The following ZNF37A variants were observed in gnomAD, a reference collection of about 807,000 sequenced individuals.
The protein encoded by ZNF37A is zinc finger protein 37A.
ZNF37A carries 10 observed loss-of-function variants against 12.3 expected under a neutral mutation model. The ratio of observed to expected loss-of-function variants is 0.82; its 90% CI spans 0.50 to 1.38. The LOEUF (loss-of-function observed/expected upper bound fraction) is 1.38. Among genes scored for constraint, ZNF37A ranks in the 40% most tolerant of loss-of-function variants. The probability of loss-of-function intolerance (pLI) is 0.00; values close to 1 mark genes in which losing one functional copy is unlikely to be tolerated. For synonymous variants in ZNF37A, 207 were observed against 223.0 expected (o/e 0.93, Z 0.64); for missense variants, 580 against 651.2 (o/e 0.89, Z 1.19).
intron 7 of ZNF37A, chr10:38,144,073 G>A (rs1439529262): frequency 6.6e-6 from 1 of 152,212 alleles, no homozygotes; most frequent in Non-Finnish European, 1.5e-5. Context: ...GGTTGTGGAA[G>A]TGTCTTTTAT....
At chr10:38,114,315 C>T (rs80011555) in intron 5 of ZNF37A, among the ~76,000 whole-genome samples, 6,440 of 152,278 alleles carry the variant, frequency 0.042, 192 homozygotes, top group Non-Finnish European at 0.06. Context: ...AGTTTTATCA[C>T]TTTAGTGAAA....
rs776096274 is a variant in ZNF37A, at chr10:38,118,605, A to G, written c.1454A>G (p.His485Arg). The G allele has an allele frequency of 2.5e-6, 4 of 1,605,876 alleles. No individual in the cohort carries two copies. The highest frequency in any genetic ancestry group is 3.4e-6 in the Non-Finnish European group (4 of 1,174,868). The change falls in exon 8 of 8, where the codon CAC becomes CGC. Residue 485 changes from histidine (H) to arginine (R), a missense_variant. Transcript: ENST00000685332. ...TFRQKSALIV[H>R]QRTHIRQKPY... ...CGTCAGAAGTCAGCCCTAATTGTTC[A>G]CCAGAGAACTCATATAAGACAGAAA...
chr10:38,118,131 A>T lies in ZNF37A; in HGVS notation c.980A>T (p.Tyr327Phe). 3.1e-6 allele frequency: 5 copies of T among 1,613,940 alleles called. No individual in the cohort carries two copies. The highest frequency in any genetic ancestry group is 4.2e-6 in the Non-Finnish European group (5 of 1,179,896). The change falls in exon 8 of 8, where the codon TAT (tyrosine) becomes TTT (phenylalanine). Residue 327 changes from tyrosine to phenylalanine, a missense_variant. Tyr to Phe is a conservative substitution (Grantham distance 22, BLOSUM62 3). Coordinates refer to ENST00000685332, the MANE Select transcript of ZNF37A (RefSeq NM_001324250.3). Reference protein sequence around the residue: ...HQRIHTGERPYGCHECGKSFS... With the variant: ...HQRIHTGERPFGCHECGKSFS... ...AGAATTCATACAGGGGAGAGACCTT[A>T]TGGATGTCATGAATGTGGGAAATCC...
At chr10:38,101,361 T>C (rs1348509218) in intron 5 of ZNF37A, among the ~76,000 whole-genome samples, 1 of 152,094 alleles carries the variant, frequency 6.6e-6, no homozygotes, top group Non-Finnish European at 1.5e-5. Context: ...TTTTTTTTTT[T>C]TTTAGTTTTG....
chr10:38,127,545 C>T (rs16937688), downstream of ZNF37A, among the ~76,000 whole-genome samples: 935 of 152,296 alleles, frequency 6.1e-3, 11 homozygotes, highest in African/African-American at 0.021. Flanking sequence ...GTGAATTTCT[C>T]TAAGTGCACT....
At chr10:38,112,673 G>C (rs2068791693) in intron 5 of ZNF37A, among the ~76,000 whole-genome samples, 1 of 145,782 alleles carries the variant, frequency 6.9e-6, no homozygotes, top group Non-Finnish European at 1.5e-5. Context: ...TTTTTATTTT[G>C]TTATAATTTG....
chr10:38,097,250 A>G (rs1288597015), intron 5 of ZNF37A, among the ~76,000 whole-genome samples: 1 of 152,188 alleles, frequency 6.6e-6, no homozygotes, highest in Non-Finnish European at 1.5e-5. Context: ...GTCCAGGGGA[A>G]AACTTAAGCG....
chr10:38,114,271 T>C (rs1292862062), intron 5 of ZNF37A, among the ~76,000 whole-genome samples: 2 of 152,234 alleles, frequency 1.3e-5, no homozygotes, highest in African/African-American at 4.8e-5. Flanking sequence ...TAACCTTTTG[T>C]TAAGTTTTTC....
At chr10:38,125,805 A>G (rs1361924174), downstream of ZNF37A, among the ~76,000 whole-genome samples, 2 of 152,174 alleles carry the variant, frequency 1.3e-5, no homozygotes, top group Non-Finnish European at 2.9e-5. Flanking sequence ...AATATAAAGG[A>G]AAGAGCTTAT....
chr10:38,104,465 G>T (rs2983345), intron 5 of ZNF37A, among the ~76,000 whole-genome samples: 59,329 of 146,276 alleles, frequency 0.41, 12,060 homozygotes, highest in East Asian at 0.49. Context: ...GGTGTTTTTT[G>T]TTTTTTTTTT....
intron 7 of ZNF37A, among the ~76,000 whole-genome samples, chr10:38,145,040 A>T (rs1001831001): frequency 6.6e-6 from 1 of 152,224 alleles, no homozygotes; most frequent in Non-Finnish European, 1.5e-5. Flanking sequence ...CAGCAGATAC[A>T]TTGAAAGTTA....
In ZNF37A at chr10:38,115,107, G is replaced by GTGTGTGTGTA. The variant is rs1554780603; in HGVS notation, c.143-87_143-78dup. ...TGTGTGTGTGTGTGTGTGTGTGTGT[G>GTGTGTGTGTA]TGTGTGTGTACTGTTTGGGGTATAC... On this transcript the variant is annotated intron_variant, in intron 6 of 7. Coordinates refer to ENST00000685332, the MANE Select transcript of ZNF37A (RefSeq NM_001324250.3). 3.4e-3 allele frequency: 3,125 copies of GTGTGTGTGTA among 916,176 alleles called. 13 individuals are homozygous for GTGTGTGTGTA. Among genetic ancestry groups the GTGTGTGTGTA allele is most frequent in the Middle Eastern group, 4.4e-3 (13 of 2,968 alleles). 56.8% of individuals were successfully genotyped at this position (916,176 alleles called of 1,614,324 possible). A position where few individuals can be genotyped will look rare whatever the true frequency, so the allele number is the denominator to read the frequency against.
chr10:38,116,449 A>T (rs2069275993), intron 7 of ZNF37A, among the ~76,000 whole-genome samples: 2 of 152,140 alleles, frequency 1.3e-5, no homozygotes, highest in Admixed American at 1.3e-4. Flanking sequence ...ACACTGTTAG[A>T]CTGCAAACTG....
At chr10:38,134,737 G>A (rs189845317) in intron 7 of ZNF37A, among the ~76,000 whole-genome samples, 16 of 152,296 alleles carry the variant, frequency 1.1e-4, no homozygotes, top group Admixed American at 6.5e-5. Flanking sequence ...GCCACTCAGG[G>A]GTCAGGGACC....
downstream of ZNF37A, among the ~76,000 whole-genome samples, chr10:38,130,455 A>G (rs1181917105): frequency 2.0e-5 from 3 of 151,220 alleles, no homozygotes; most frequent in Admixed American, 6.6e-5. Flanking sequence ...ACACCACACT[A>G]TTTTCTTTTC....
intron 7 of ZNF37A, among the ~76,000 whole-genome samples, chr10:38,133,783 G>A (rs1344574071): frequency 5.9e-5 from 9 of 152,124 alleles, no homozygotes; most frequent in South Asian, 4.1e-4. Context: ...ATACATGTGC[G>A]TGTGTTTTTA....
downstream of ZNF37A, among the ~76,000 whole-genome samples, chr10:38,129,981 C>G (rs1244584304): frequency 2.6e-5 from 4 of 152,128 alleles, no homozygotes; most frequent in African/African-American, 2.4e-5. Flanking sequence ...CTATCTATAC[C>G]TAAAATTTTT....
intron 5 of ZNF37A, among the ~76,000 whole-genome samples, chr10:38,112,523 T>G (rs17587699): frequency 0.042 from 6,381 of 151,502 alleles, 191 homozygotes; most frequent in Non-Finnish European, 0.06. Flanking sequence ...TACACAGTGC[T>G]CTTGATTGCC....
At chr10:38,104,465 GT>G (rs910108245) in intron 5 of ZNF37A, among the ~76,000 whole-genome samples, 3 of 147,374 alleles carry the variant, frequency 2.0e-5, no homozygotes, top group South Asian at 2.1e-4. Flanking sequence ...GGTGTTTTTT[GT>G]TTTTTTTTTC....
Sources: gnomAD v4.1 joint callset for allele counts (sites outside exome capture counted in the v4.1 genomes callset) on GRCh38, gnomAD v4.1.1 for gene constraint, MANE v1.5 for transcripts, NCBI Gene and HGNC (gene_info 2026-07-23, HGNC 2026-07-21) for gene names.